Variants in USP6 observed in about 807,000 individuals in gnomAD.
USP6 encodes the protein ubiquitin carboxyl-terminal hydrolase 6.
In USP6, 128 loss-of-function variants were observed where a neutral mutation model predicts 175.7. The ratio of observed to expected loss-of-function variants is 0.73; its 90% CI spans 0.63 to 0.84. The LOEUF (loss-of-function observed/expected upper bound fraction) is 0.84, where lower values mean the gene tolerates loss of function less well. Among genes scored for constraint, USP6 ranks in the 40% least tolerant of loss-of-function variants. The probability of loss-of-function intolerance (pLI) is 0.00; values close to 1 mark genes in which losing one functional copy is unlikely to be tolerated. For synonymous variants in USP6, 562 were observed against 630.6 expected (o/e 0.89, Z 1.63); for missense variants, 1,498 against 1,760.3 (o/e 0.85, Z 2.67).
At chr17:5,144,210 GACA>G (rs2073540466) in intron 25 of USP6, among the ~76,000 whole-genome samples, 2 of 151,636 alleles carry the variant, frequency 1.3e-5, no homozygotes, top group Admixed American at 6.6e-5. Flanking sequence ...AATTGTTGAA[GACA>G]ACATTACATT....
chr17:5,134,155 C>T (rs1265488241), intron 15 of USP6, 159 bp downstream of exon 15: 2 of 742,094 alleles, frequency 2.7e-6, no homozygotes, highest in Non-Finnish European at 4.5e-6. Context: ...CCGAGCACCT[C>T]CCTGGTTCCA....
intron 33 of USP6, among the ~76,000 whole-genome samples, chr17:5,166,874 C>G (rs1186611520): frequency 6.6e-6 from 1 of 152,032 alleles, no homozygotes; most frequent in Non-Finnish European, 1.5e-5. Context: ...ATTCTTTGCT[C>G]TCTCTCCTTT....
At chr17:5,126,003 G>T (rs1472493855) in intron 6 of USP6, 65 bp downstream of exon 6, 2 of 152,150 alleles carry the variant, frequency 1.3e-5, no homozygotes, top group African/African-American at 4.8e-5. Flanking sequence ...TCGAACTCCC[G>T]ATCTCAGGTG....
At chr17:5,126,556 GTC>G (rs956949240) in intron 6 of USP6, among the ~76,000 whole-genome samples, 7 of 152,188 alleles carry the variant, frequency 4.6e-5, no homozygotes, top group African/African-American at 1.4e-4. Context: ...ACTCATGCAC[GTC>G]TCTCTCTGTC....
intron 33 of USP6, among the ~76,000 whole-genome samples, chr17:5,167,289 C>G (rs1027390715): frequency 2.6e-5 from 4 of 152,194 alleles, no homozygotes; most frequent in African/African-American, 9.7e-5. Context: ...TTACTATCAG[C>G]ACCCCTGGCT....
chr17:5,157,865 A>C (rs2073917956), intron 31 of USP6, among the ~76,000 whole-genome samples: 1 of 151,384 alleles, frequency 6.6e-6, no homozygotes, highest in South Asian at 2.1e-4. Context: ...TCCTGACCTC[A>C]TGATCCCACC....
chr17:5,172,190 A>AAT, intron 37 of USP6, among the ~76,000 whole-genome samples: 1 of 151,066 alleles, frequency 6.6e-6, no homozygotes, highest in African/African-American at 2.4e-5. Flanking sequence ...AAAAAAAAAA[A>AAT]AGTAGTTAGT....
intron 36 of USP6, among the ~76,000 whole-genome samples, chr17:5,171,332 CCT>C (rs1225354207): frequency 6.6e-6 from 1 of 151,854 alleles, no homozygotes; most frequent in Non-Finnish European, 1.5e-5. Flanking sequence ...AGAGCAAGCC[CCT>C]GTCTCAAAAT....
intron 32 of USP6, among the ~76,000 whole-genome samples, chr17:5,161,866 G>A (rs1006426610): frequency 6.6e-6 from 1 of 152,064 alleles, no homozygotes; most frequent in African/African-American, 2.4e-5. Context: ...ACAAAAATTA[G>A]TGGGGCATGG....
At chr17:5,141,977 T>C (rs746192990) in intron 23 of USP6, 26 bp from the exon 24 acceptor site, 6 of 1,602,502 alleles carry the variant, frequency 3.7e-6, no homozygotes, top group Non-Finnish European at 5.1e-6. Context: ...ACAGCTAAGC[T>C]TTGGTTCTCA....
chr17:5,133,421 C>T (rs1439494266), intron 13 of USP6, 22 bp from the exon 14 acceptor site: 2 of 1,600,004 alleles, frequency 1.3e-6, no homozygotes, highest in African/African-American at 2.7e-5. Context: ...GCCTGTGACA[C>T]CAGATTCTTT....
intron 6 of USP6, among the ~76,000 whole-genome samples, chr17:5,126,512 C>G (rs1280731494): frequency 1.3e-5 from 2 of 152,138 alleles, no homozygotes; most frequent in African/African-American, 4.8e-5. Context: ...ACAGTTTTCA[C>G]TGGGAACTGG....
intron 32 of USP6, among the ~76,000 whole-genome samples, chr17:5,161,964 G>A (rs955068198): frequency 6.6e-6 from 1 of 152,038 alleles, no homozygotes; most frequent in Non-Finnish European, 1.5e-5. Context: ...GTGAGCCAAG[G>A]TTGCGCCATT....
At chr17:5,158,282 C>T (rs1358937719) in intron 31 of USP6, among the ~76,000 whole-genome samples, 1 of 151,914 alleles carries the variant, frequency 6.6e-6, no homozygotes, top group Non-Finnish European at 1.5e-5. Flanking sequence ...CAAAAGAGAT[C>T]GAGGCTGGGT....
At chr17:5,161,469 G>A (rs1269539088) in intron 31 of USP6, 59 bp from the exon 32 acceptor site, 4 of 1,558,336 alleles carry the variant, frequency 2.6e-6, no homozygotes, top group Non-Finnish European at 3.5e-6. Context: ...AAGATGAAAA[G>A]GAGTTGGACC....
At chr17:5,171,510 T>C in intron 36 of USP6, 77 bp from the exon 37 acceptor site, 3 of 1,365,466 alleles carry the variant, frequency 2.2e-6, no homozygotes, top group Non-Finnish European at 3.1e-6. Flanking sequence ...AGTGTTCTCC[T>C]GCTCAGATCT....
chr17:5,144,924 T>A, intron 26 of USP6, 61 bp downstream of exon 26: 1 of 1,510,610 alleles, frequency 6.6e-7, no homozygotes, highest in South Asian at 1.4e-5. Context: ...CACAAATACA[T>A]GTAGCACAAC....
At chr17:5,119,287 T>C (rs2072599446) in intron 2 of USP6, among the ~76,000 whole-genome samples, 1 of 152,240 alleles carries the variant, frequency 6.6e-6, no homozygotes, top group African/African-American at 2.4e-5. Flanking sequence ...CAAAGTAGAC[T>C]GCTCCCTAAC....
Position 5,118,235 on chromosome 17 carries a change from CAG to C in USP6, c.-1891_-1890del, listed in dbSNP as rs1191424541. ...CTTGATTCCTTCGTGGGACTCAAGA[CAG>C]GGGTGCCCTGTTTACTCAGCCCACT... On this transcript the variant is annotated 5_prime_UTR_variant, in exon 2 of 38. Transcript: ENST00000574788. 5 of 152,490 alleles carry C rather than the reference CAG, an allele frequency of 3.3e-5. No individual in the cohort carries two copies. Among genetic ancestry groups the C allele is most frequent in the African/African-American group, 7.2e-5 (3 of 41,458 alleles). 9.4% of individuals were successfully genotyped at this position (152,490 alleles called of 1,614,324 possible). A position where few individuals can be genotyped will look rare whatever the true frequency, so the allele number is the denominator to read the frequency against.
Sources: gnomAD v4.1 joint callset for allele counts (sites outside exome capture counted in the v4.1 genomes callset) on GRCh38, gnomAD v4.1.1 for gene constraint, MANE v1.5 for transcripts, NCBI Gene and HGNC (gene_info 2026-07-23, HGNC 2026-07-21) for gene names.